Variants in DGKB observed in about 807,000 individuals in gnomAD.
DGKB encodes 90 kDa diacylglycerol kinase.
A neutral mutation model predicts 114.3 loss-of-function variants in DGKB; 67 were observed. The ratio of observed to expected loss-of-function variants is 0.59; its 90% confidence interval spans 0.48 to 0.72. The LOEUF (loss-of-function observed/expected upper bound fraction) is 0.72, where lower values mean the gene tolerates loss of function less well. Ranked by LOEUF, DGKB falls within the 30% of genes least tolerant of loss-of-function variation. DGKB has a pLI of 0.00. For missense variants in DGKB, 907 were observed against 975.2 expected, an observed-to-expected ratio of 0.93 and a Z score of 0.93; for synonymous variants, 398 against 323.1, an observed-to-expected ratio of 1.23 and a Z score of -2.49.
chr7:14,488,978 T>C (rs184624061), intron 20 of DGKB, among the ~76,000 whole-genome samples: 21 of 152,196 alleles, frequency 1.4e-4, no homozygotes, highest in Admixed American at 1.4e-3. Flanking sequence ...GCAACTGAAT[T>C]AAAAGTGTAA....
intron 15 of DGKB, 55 bp downstream of exon 15, chr7:14,621,323 A>C: frequency 9.6e-7 from 1 of 1,037,264 alleles, no homozygotes. Flanking sequence ...GCCCCTTTAG[A>C]GCCTAGAAGT....
At chr7:14,494,481 T>A (rs1298655962) in intron 20 of DGKB, among the ~76,000 whole-genome samples, 2 of 151,928 alleles carry the variant, frequency 1.3e-5, no homozygotes, top group Non-Finnish European at 2.9e-5. Flanking sequence ...TTTGCAAATA[T>A]AAGAATACAA....
chr7:14,485,097 CA>C, intron 20 of DGKB, among the ~76,000 whole-genome samples: 1 of 390 alleles, frequency 2.6e-3, no homozygotes, highest in East Asian at 0.12. Flanking sequence ...ACACACACAC[CA>C]CACACACACA....
At chr7:14,235,506 T>G (rs1325308400) in intron 23 of DGKB, among the ~76,000 whole-genome samples, 1 of 152,018 alleles carries the variant, frequency 6.6e-6, no homozygotes, top group Non-Finnish European at 1.5e-5. Flanking sequence ...TTATCAGAGG[T>G]TTCATCTGTG....
intron 1 of DGKB, among the ~76,000 whole-genome samples, chr7:14,886,103 A>G (rs535052678): frequency 6.6e-6 from 1 of 152,050 alleles, no homozygotes; most frequent in South Asian, 2.1e-4. Context: ...AGTTAAGAAT[A>G]CAGTTGAGTG....
chr7:14,270,802 G>A (rs925420345), intron 23 of DGKB, among the ~76,000 whole-genome samples: 4 of 152,160 alleles, frequency 2.6e-5, no homozygotes, highest in African/African-American at 9.7e-5. Context: ...AGTTGCTTAA[G>A]GAGATTTCCT....
chr7:14,689,309 C>T (rs2128985523), intron 9 of DGKB, among the ~76,000 whole-genome samples: 1 of 149,774 alleles, frequency 6.7e-6, no homozygotes, highest in African/African-American at 2.5e-5. Flanking sequence ...GGGTTCGTGC[C>T]ATTCTCCTGC....
intron 21 of DGKB, among the ~76,000 whole-genome samples, chr7:14,357,947 C>A (rs566812398): frequency 2.6e-5 from 4 of 152,300 alleles, no homozygotes; most frequent in Admixed American, 1.3e-4. Context: ...TGTAGAGTTT[C>A]TGCAGAGAGA....
At chr7:14,591,867 T>C (rs1025493939) in intron 17 of DGKB, among the ~76,000 whole-genome samples, 4 of 151,950 alleles carry the variant, frequency 2.6e-5, no homozygotes, top group Non-Finnish European at 5.9e-5. Flanking sequence ...TTGTACCTAA[T>C]TGTTATTAGG....
At chr7:14,372,835 T>C (rs1488299329) in intron 21 of DGKB, among the ~76,000 whole-genome samples, 2 of 152,186 alleles carry the variant, frequency 1.3e-5, no homozygotes, top group African/African-American at 4.8e-5. Context: ...AATCTGCCCA[T>C]CCATATCTGT....
chr7:14,563,639 C>T (rs967094356), intron 20 of DGKB, among the ~76,000 whole-genome samples: 1 of 119,328 alleles, frequency 8.4e-6, no homozygotes, highest in Non-Finnish European at 1.7e-5. Context: ...AATCATACAA[C>T]TCTGTTTTTT....
chr7:14,622,237 C>A (rs973910772), intron 14 of DGKB, among the ~76,000 whole-genome samples: 1 of 152,058 alleles, frequency 6.6e-6, no homozygotes, highest in Non-Finnish European at 1.5e-5. Flanking sequence ...CCTCACGTGG[C>A]TTCCAGGACA....
In DGKB at chr7:14,621,300, T is replaced by C. The variant is rs1525075; in HGVS notation, c.1284+78A>G. ...TATGCAGATTAAACAAATGTGTTGA[T>C]AGCTGAACATATGCCCCTTTAGAGC... is the stretch of plus-strand genomic sequence containing the variant. On this transcript the variant is annotated intron_variant, in intron 15 of 25. Coordinates refer to ENST00000402815, the MANE Select transcript of DGKB (RefSeq NM_001350709.2). 6,235 of 796,306 alleles carry C rather than the reference T, an allele frequency of 7.8e-3. 252 individuals are homozygous for C. The African/African-American group carries it at 0.095, about 12-fold the overall frequency. 49.3% of individuals were successfully genotyped at this position (796,306 alleles called of 1,614,324 possible).
intron 23 of DGKB, among the ~76,000 whole-genome samples, chr7:14,318,638 C>T (rs1364451143): frequency 3.3e-5 from 5 of 152,002 alleles, no homozygotes; most frequent in Non-Finnish European, 1.5e-5. Context: ...CAGGAAACAA[C>T]AGGTGCTGGA....
At chr7:14,681,931 A>C (rs777266786) in intron 12 of DGKB, among the ~76,000 whole-genome samples, 1 of 152,094 alleles carries the variant, frequency 6.6e-6, no homozygotes, top group Non-Finnish European at 1.5e-5. Flanking sequence ...GATTTAACTG[A>C]AAGAGGAAGG....
At chr7:14,247,493 C>T (rs1219865978) in intron 23 of DGKB, among the ~76,000 whole-genome samples, 1 of 152,110 alleles carries the variant, frequency 6.6e-6, no homozygotes, top group African/African-American at 2.4e-5. Context: ...TCCCCTTTCT[C>T]CATATCTTCT....
At chr7:14,580,410 C>G (rs980555016) in intron 19 of DGKB, among the ~76,000 whole-genome samples, 2 of 152,198 alleles carry the variant, frequency 1.3e-5, no homozygotes, top group African/African-American at 4.8e-5. Flanking sequence ...CAGAGCACAG[C>G]TGGCTAGCAT....
intron 20 of DGKB, among the ~76,000 whole-genome samples, chr7:14,569,451 A>G (rs2128698260): frequency 6.6e-6 from 1 of 152,298 alleles, no homozygotes; most frequent in South Asian, 2.1e-4. Context: ...GCGTGTACTT[A>G]TATAATATGA....
At chr7:14,753,086 A>G (rs187263202) in intron 4 of DGKB, among the ~76,000 whole-genome samples, 23 of 152,324 alleles carry the variant, frequency 1.5e-4, no homozygotes, top group African/African-American at 5.3e-4. Flanking sequence ...TAAGTCCACC[A>G]GTATCATTCT....
Sources: allele counts gnomAD v4.1 joint callset (sites outside exome capture counted in the v4.1 genomes callset), GRCh38; gene constraint gnomAD v4.1.1; transcripts MANE v1.5; gene names NCBI Gene and HGNC (gene_info 2026-07-23, HGNC 2026-07-21).